The following CABP7 variants were observed in gnomAD, a reference collection of about 807,000 sequenced individuals.
CABP7 encodes calcium binding protein 7, also known as calcium-binding protein 7.
In CABP7, 13 loss-of-function variants were observed where a neutral mutation model predicts 23.1. The ratio of observed to expected loss-of-function variants is 0.56; its 90% confidence interval spans 0.37 to 0.90. The LOEUF (loss-of-function observed/expected upper bound fraction) is 0.90, where lower values mean the gene tolerates loss of function less well. Ranked by LOEUF, CABP7 falls within the 40% of genes least tolerant of loss-of-function variation. CABP7 has a pLI of 0.01. For missense variants in CABP7, 248 were observed against 295.6 expected (o/e 0.84, Z 1.18); for synonymous variants, 123 against 115.3 (o/e 1.07, Z -0.43).
chr22:29,721,329 A>T (rs1355501650), intron 1 of CABP7, among the ~76,000 whole-genome samples: 1 of 152,082 alleles, frequency 6.6e-6, no homozygotes, highest in East Asian at 1.9e-4. Flanking sequence ...GTGTGTCCTG[A>T]GGAGCAGTGA....
At position 29,720,573 on chromosome 22, in the gene CABP7, A is replaced by G. The variant is rs1454605724; in HGVS notation, c.109+40A>G. On this transcript the variant is annotated intron_variant, in intron 1 of 4. Transcript: ENST00000216144. The surrounding 1 kb of genome is among the most constrained non-coding windows in gnomAD (Gnocchi z 5.2). ...GGATCCCCGCCCCGGCGGCCCTCCT[A>G]CCTGTGCGCCCAGGTGAAGCGCGGG... 2.3e-6 allele frequency: 3 copies of G among 1,321,454 alleles called. No individual in the cohort carries two copies. The highest frequency in any genetic ancestry group is 3.1e-6 in the Non-Finnish European group (3 of 977,922). The allele number at this position is 1,321,454 out of a possible 1,614,324, so 81.9% of individuals were successfully genotyped here. A position where few individuals can be genotyped will look rare whatever the true frequency, so the allele number is the denominator to read the frequency against.
intron 1 of CABP7, among the ~76,000 whole-genome samples, chr22:29,724,359 G>A (rs954959641): frequency 3.3e-5 from 5 of 152,238 alleles, no homozygotes; most frequent in Admixed American, 2.0e-4. Context: ...GGTGTCCCAA[G>A]CTCACTCAGT....
Position 29,729,727 on chromosome 22 carries a change from C to A in CABP7, c.*158C>A. On this transcript the variant is annotated 3_prime_UTR_variant, in exon 5 of 5. Transcript: ENST00000216144. ...CGAGCCCTCCCCACCCACCCACGGT[C>A]CTCACCTGGAGCTGTGGCCTGGCTG... 1.1e-6 allele frequency: 1 copy of A among 929,068 alleles called. No homozygotes were observed. The highest frequency in any genetic ancestry group is 1.6e-6 in the Non-Finnish European group (1 of 631,766). The allele number at this position is 929,068 out of a possible 1,614,324, so 57.6% of individuals were successfully genotyped here.
At chr22:29,726,781 C>T (rs999498966) in intron 1 of CABP7, among the ~76,000 whole-genome samples, 22 of 152,162 alleles carry the variant, frequency 1.4e-4, no homozygotes, top group Non-Finnish European at 2.9e-4. Flanking sequence ...TAGGGCCCTG[C>T]TGGGGCTGTG....
rs1158575675 is a variant in CABP7, at chr22:29,730,980, A to G, written c.*1411A>G. ...CTGTGGTGACAGACTTTCTTTATAA[A>G]CATTTGGAAGTTTTCTCCCCCATCT... On this transcript the variant is annotated 3_prime_UTR_variant, in exon 5 of 5. Transcript: ENST00000216144. 4 of 361,364 alleles carry G rather than the reference A, an allele frequency of 1.1e-5. No homozygotes were observed. The highest frequency in any genetic ancestry group is 1.5e-5 in the Non-Finnish European group (3 of 204,018). The allele number at this position is 361,364 out of a possible 1,614,324, so 22.4% of individuals were successfully genotyped here.
chr22:29,729,559 G>A lies in CABP7; in HGVS notation c.638G>A (p.Gly213Asp), dbSNP rs868543347. 4 of 1,610,428 alleles carry A rather than the reference G, an allele frequency of 2.5e-6. No individual in the cohort carries two copies. Among genetic ancestry groups the A allele is most frequent in the Non-Finnish European group, 3.4e-6 (4 of 1,179,906 alleles). ...GCGGCCAACCAGGTGCTGCGCAGTG[G>A]CATGAAGTAGACGCCACCTGGATGC... ...LIAANQVLRSGMK is the reference protein window; with the variant it reads ...LIAANQVLRSDMK The change falls in exon 5 of 5, where the codon GGC becomes GAC. Residue 213 changes from glycine to aspartate, a missense_variant. Transcript: ENST00000216144.
chr22:29,731,140 T>C lies in CABP7; in HGVS notation c.*1571T>C. ...TGGGCAGATGGTCTCGGAGCCTCCA[T>C]GGGGCGTAGCAGGAACCGGGCTTGG... On this transcript the variant is annotated 3_prime_UTR_variant, in exon 5 of 5. Coordinates refer to ENST00000216144, the MANE Select transcript of CABP7 (RefSeq NM_182527.3). The C allele has an allele frequency of 1.4e-6, 2 of 1,383,430 alleles. No homozygotes were observed. Among genetic ancestry groups the C allele is most frequent in the Non-Finnish European group, 1.9e-6 (2 of 1,056,006 alleles). The allele number at this position is 1,383,430 out of a possible 1,614,324, so 85.7% of individuals were successfully genotyped here.
rs1014627443 is a variant in CABP7, at chr22:29,720,018, G to C, written c.-407G>C. 6.7e-6 allele frequency: 1 copy of C among 150,014 alleles called. No homozygotes were observed. The highest frequency in any genetic ancestry group is 6.6e-5 in the Admixed American group (1 of 15,062). The allele number at this position is 150,014 out of a possible 1,614,324, so 9.3% of individuals were successfully genotyped here. A position where few individuals can be genotyped will look rare whatever the true frequency, so the allele number is the denominator to read the frequency against. ...CCAGCGCGGCACAGAACGAGCGAGC[G>C]AGCGAGCGGAGAGGCGGCTACAGCC... On this transcript the variant is annotated 5_prime_UTR_variant, in exon 1 of 5. Coordinates refer to ENST00000216144, the MANE Select transcript of CABP7 (RefSeq NM_182527.3). This position sits in a 1 kb window ranked among gnomAD's most constrained non-coding sequence, Gnocchi z 5.2.
intron 1 of CABP7, among the ~76,000 whole-genome samples, chr22:29,721,880 G>A (rs1394136112): frequency 6.6e-6 from 1 of 152,104 alleles, no homozygotes; most frequent in Non-Finnish European, 1.5e-5. Flanking sequence ...GGGGCCCCCC[G>A]ACATGACCTC....
At chr22:29,721,631 AG>A (rs1372343276) in intron 1 of CABP7, among the ~76,000 whole-genome samples, 1 of 152,114 alleles carries the variant, frequency 6.6e-6, no homozygotes, top group African/African-American at 2.4e-5. Flanking sequence ...GTGGGAGCCC[AG>A]GGGAAGCCAT....
chr22:29,729,277 G>GA (rs2067820167), intron 4 of CABP7, 69 bp downstream of exon 4: 1 of 1,580,210 alleles, frequency 6.3e-7, no homozygotes, highest in Admixed American at 1.8e-5. Context: ...ACGGGGTGGG[G>GA]AGAGTCTGCA....
chr22:29,720,521 G>T lies in CABP7; in HGVS notation c.97G>T (p.Asp33Tyr). Residue 33 changes from aspartate to tyrosine, a missense_variant, in exon 1 of 5, where the codon GAC (aspartate) becomes TAC (tyrosine). Asp to Tyr is a radical substitution (Grantham distance 160). Coordinates refer to ENST00000216144, the MANE Select transcript of CABP7 (RefSeq NM_182527.3). The surrounding 1 kb of genome is among the most constrained non-coding windows in gnomAD (Gnocchi z 5.2). ...GCAGCGCCCGGTGGACATCCCGGAG[G>T]ACGAGCTGGAGGGTGAGTGTCCGCC... Reference protein sequence around the residue: ...SEQRPVDIPEDELEEIREAFK... With the variant: ...SEQRPVDIPEYELEEIREAFK... 6.5e-7 allele frequency: 1 copy of T among 1,544,568 alleles called. No homozygotes were observed. Among genetic ancestry groups the T allele is most frequent in the Non-Finnish European group, 8.7e-7 (1 of 1,146,278 alleles).
chr22:29,728,453 G>A (rs913774235), intron 2 of CABP7, among the ~76,000 whole-genome samples, 177 bp from the exon 3 acceptor site: 11 of 152,190 alleles, frequency 7.2e-5, no homozygotes, highest in African/African-American at 9.7e-5. Context: ...CGTCAGCCCA[G>A]AGCCTGGCAC....
At position 29,727,529 on chromosome 22, in the gene CABP7, C is replaced by A; in HGVS notation, c.110-133C>A. On this transcript the variant is annotated intron_variant, in intron 1 of 4. Coordinates refer to ENST00000216144, the MANE Select transcript of CABP7 (RefSeq NM_182527.3). The surrounding 1 kb of genome is among the most constrained non-coding windows in gnomAD (Gnocchi z 4.2). ...CTTGTGCACCCTCGGGCCATGCTCTCACCAGATCTGCAGGCTCTGGGTTGG... is the reference window on the plus strand; with the variant it reads ...CTTGTGCACCCTCGGGCCATGCTCTAACCAGATCTGCAGGCTCTGGGTTGG... 8.8e-7 allele frequency: 1 copy of A among 1,136,470 alleles called. No homozygotes were observed. The highest frequency in any genetic ancestry group is 1.3e-6 in the Non-Finnish European group (1 of 772,410). The allele number at this position is 1,136,470 out of a possible 1,614,324, so 70.4% of individuals were successfully genotyped here.
rs1383860697 is a variant in CABP7, at chr22:29,727,540, C to T, written c.110-122C>T. On this transcript the variant is annotated intron_variant, in intron 1 of 4. Coordinates refer to ENST00000216144, the MANE Select transcript of CABP7 (RefSeq NM_182527.3). The surrounding 1 kb of genome is among the most constrained non-coding windows in gnomAD (Gnocchi z 4.2). ...TCGGGCCATGCTCTCACCAGATCTG[C>T]AGGCTCTGGGTTGGGCTCTCAAGGC... 27 of 1,220,530 alleles carry T rather than the reference C, an allele frequency of 2.2e-5. No homozygotes were observed. Among genetic ancestry groups the T allele is most frequent in the Middle Eastern group, 2.0e-4 (1 of 4,934 alleles). The allele number at this position is 1,220,530 out of a possible 1,614,324, so 75.6% of individuals were successfully genotyped here.
rs927839383 is a variant in CABP7, at chr22:29,727,093, G to A, written c.110-569G>A. Reference sequence around the variant, plus strand: ...AGTCTGGTCTGGCCTGGACCTGGAGGGGGGCTCCTTCCCCCTCTGTCTTCC... The same window carrying A: ...AGTCTGGTCTGGCCTGGACCTGGAGAGGGGCTCCTTCCCCCTCTGTCTTCC... On this transcript the variant is annotated intron_variant, in intron 1 of 4. Transcript: ENST00000216144. The surrounding 1 kb of genome is among the most constrained non-coding windows in gnomAD (Gnocchi z 4.2). Among the ~76,000 whole-genome samples the A allele has an allele frequency of 3.3e-5, 5 of 152,188 alleles. No homozygotes were observed. The highest frequency in any genetic ancestry group is 1.9e-4 in the East Asian group (1 of 5,188).
Position 29,728,215 on chromosome 22 carries a change from C to G in CABP7, c.253+410C>G, listed in dbSNP as rs771724406. Among the ~76,000 whole-genome samples the G allele has an allele frequency of 1.3e-3, 200 of 152,320 alleles. 3 individuals are homozygous for G. In the Middle Eastern group the frequency reaches 0.017, roughly 13 times the overall value. On this transcript the variant is annotated intron_variant, in intron 2 of 4. Transcript: ENST00000216144. ...TGCCAAGCCCCCTCTTTATCCCACC[C>G]GGGCCCTTCTTCTCCTCTTCTCCAT...
rs1281177752 is a variant in CABP7 at position 29,729,051 on chromosome 22, C to T, written c.367-4C>T. 7 of 1,609,752 alleles carry T rather than the reference C, an allele frequency of 4.3e-6. No homozygotes were observed. Among genetic ancestry groups the T allele is most frequent in the Non-Finnish European group, 5.1e-6 (6 of 1,178,608 alleles). ...CAGAGCACCGTGTTGTCCCCCTCCG[C>T]AAGTGCGACATGCAGAAGCTGACGG... On this transcript the variant is annotated splice_region_variant and splice_polypyrimidine_tract_variant and intron_variant, in intron 3 of 4. Transcript: ENST00000216144.
rs763662155 is a variant in CABP7, at chr22:29,729,463, G to A, written c.542G>A (p.Arg181His). Residue 181 changes from arginine to histidine, a missense_variant, in exon 5 of 5, where the codon CGC (arginine) becomes CAC (histidine). Arg to His is a conservative substitution (Grantham distance 29). Transcript: ENST00000216144. ...DVETCSNQQI[R>H]QTCVRKSLIC... ...ACAGCCTGCTCCAACCAGCAGATCCGCCAGACTTGCGTGCGCAAGAGTCTC... is the reference window on the plus strand; with the variant it reads ...ACAGCCTGCTCCAACCAGCAGATCCACCAGACTTGCGTGCGCAAGAGTCTC... 19 of 1,611,034 alleles carry A rather than the reference G, an allele frequency of 1.2e-5. No homozygotes were observed. The highest frequency in any genetic ancestry group is 6.7e-5 in the Admixed American group (4 of 60,018).
Sources: allele counts gnomAD v4.1 joint callset (sites outside exome capture counted in the v4.1 genomes callset), GRCh38; gene constraint gnomAD v4.1.1; non-coding constraint Gnocchi (gnomAD v3.1); transcripts MANE v1.5; gene names NCBI Gene and HGNC (gene_info 2026-07-23, HGNC 2026-07-21).